The following FAAH variants were observed in gnomAD, a reference collection of about 807,000 sequenced individuals.
FAAH encodes the protein fatty acid amide hydrolase.
FAAH carries 63 observed loss-of-function variants against 69.7 expected under a neutral mutation model. The observed-to-expected ratio is 0.90, with a 90% CI of 0.74 to 1.12. The LOEUF is 1.12. FAAH is among the 50% of genes most tolerant of loss of function. FAAH has a pLI of 0.00. For synonymous variants in FAAH, 305 were observed against 324.2 expected, an observed-to-expected ratio of 0.94 and a Z score of 0.64; for missense variants, 680 against 755.0, an observed-to-expected ratio of 0.90 and a Z score of 1.16.
chr1:46,402,198 G>T lies in FAAH; in HGVS notation c.303G>T (p.Val101=). 6.3e-7 allele frequency: 1 copy of T among 1,592,674 alleles called. No individual in the cohort carries two copies. The highest frequency in any genetic ancestry group is 1.4e-5 in the African/African-American group (1 of 72,104). Residue 101 remains valine (V), a synonymous_variant, in exon 2 of 15, where the codon GTG becomes GTT. Transcript: ENST00000243167. ...CTGAGGCCGTGCTCTTCACCTATGT[G>T]GGAAAGGTAAGGCCAGCCAAGGCCA... ...LAPEAVLFTY[V]GKAWEVNKGT...
At chr1:46,401,486 C>A (rs1207527433) in intron 1 of FAAH, among the ~76,000 whole-genome samples, 1 of 152,044 alleles carries the variant, frequency 6.6e-6, no homozygotes, top group Non-Finnish European at 1.5e-5. Flanking sequence ...ACCCAGCCTC[C>A]CAAGATGGGG....
intron 1 of FAAH, among the ~76,000 whole-genome samples, chr1:46,400,485 A>AT (rs2148445772): frequency 6.6e-6 from 1 of 151,824 alleles, no homozygotes; most frequent in East Asian, 2.0e-4. Context: ...AGAGGTGACC[A>AT]TTTTTCAGAG....
intron 1 of FAAH, among the ~76,000 whole-genome samples, chr1:46,399,030 C>A (rs538993762): frequency 6.6e-6 from 1 of 152,106 alleles, no homozygotes; most frequent in Non-Finnish European, 1.5e-5. Context: ...TTTTCTAGAC[C>A]GAAGAGAAGG....
At chr1:46,406,467 G>A in intron 7 of FAAH, 99 bp downstream of exon 7, 4 of 1,550,538 alleles carry the variant, frequency 2.6e-6, no homozygotes, top group Non-Finnish European at 3.5e-6. Context: ...CCTGAGAACC[G>A]TCCCCCAGGC....
Position 46,413,762 on chromosome 1 carries a change from C to T in FAAH, c.*187C>T. 1.3e-6 allele frequency: 1 copy of T among 780,396 alleles called. No homozygotes were observed. The highest frequency in any genetic ancestry group is 2.8e-5 in the East Asian group (1 of 36,090). 48.3% of individuals were successfully genotyped at this position (780,396 alleles called of 1,614,324 possible). On this transcript the variant is annotated 3_prime_UTR_variant, in exon 15 of 15. Transcript: ENST00000243167. ...GGACCTCCATCCCTGCTCTGGTCCC[C>T]TCTCTTCGTCCTGATCCCTCCACCC... is the stretch of plus-strand genomic sequence containing the variant.
chr1:46,394,876 G>A (rs1399120505), intron 1 of FAAH, among the ~76,000 whole-genome samples: 1 of 152,226 alleles, frequency 6.6e-6, no homozygotes, highest in African/African-American at 2.4e-5. Flanking sequence ...AGGGGTTGAG[G>A]ACTTTGGAAT....
Position 46,405,416 on chromosome 1 carries a change from G to T in FAAH, c.489G>T (p.Pro163=). ...GCTTGAGCCTGAATGAAGGGGTGCC[G>T]GCGGAGTGCGACAGCGTAGTGGTGC... The part of the protein sequence containing the change: ...TLGLSLNEGV[P]AECDSVVVHV... Residue 163 remains proline, a synonymous_variant, in exon 4 of 15, where the codon CCG becomes CCT. Transcript: ENST00000243167. This position sits in a 1 kb window ranked among gnomAD's most constrained non-coding sequence, Gnocchi z 4.1. 6.2e-7 allele frequency: 1 copy of T among 1,613,112 alleles called. No individual in the cohort carries two copies. Among genetic ancestry groups the T allele is most frequent in the East Asian group, 2.2e-5 (1 of 44,884 alleles).
At position 46,411,433 on chromosome 1, in the gene FAAH, T is replaced by G. The variant is rs768892289; in HGVS notation, c.1317-179T>G. Reference sequence around the variant, plus strand: ...GTCACCAAGTGCCAGCCTGTGCCCCTCTGGGGCCTGATTTTCTCATCCAGA... The same window carrying G: ...GTCACCAAGTGCCAGCCTGTGCCCCGCTGGGGCCTGATTTTCTCATCCAGA... On this transcript the variant is annotated intron_variant, in intron 11 of 14. Coordinates refer to ENST00000243167, the MANE Select transcript of FAAH (RefSeq NM_001441.3). This position sits in a 1 kb window ranked among gnomAD's most constrained non-coding sequence, Gnocchi z 4.8. Among the ~76,000 whole-genome samples the G allele has an allele frequency of 2.1e-4, 32 of 152,194 alleles. No homozygotes were observed. Among genetic ancestry groups the G allele is most frequent in the Non-Finnish European group, 4.0e-4 (27 of 68,032 alleles).
In FAAH at chr1:46,405,210, A is replaced by G; in HGVS notation, c.444+62A>G. On this transcript the variant is annotated intron_variant, in intron 3 of 14. Transcript: ENST00000243167. This position sits in a 1 kb window ranked among gnomAD's most constrained non-coding sequence, Gnocchi z 4.1. ...CTCCATCCCTGCCAGCCTGCTCTGC[A>G]TCTTGGGTCATTTTGGGCCCTTAGA... is the stretch of plus-strand genomic sequence containing the variant. 1 of 1,613,092 alleles carries G rather than the reference A, an allele frequency of 6.2e-7. No individual in the cohort carries two copies.
Position 46,404,095 on chromosome 1 carries a change from G to A in FAAH, c.310-919G>A, listed in dbSNP as rs1451297418. 6.6e-6 allele frequency among the ~76,000 whole-genome samples: 1 copy of A among 152,138 alleles called. No homozygotes were observed. The highest frequency in any genetic ancestry group is 1.5e-5 in the Non-Finnish European group (1 of 68,020). ...GGGGGCTGCAGCTGAGGAAGCGAGC[G>A]CATGCTGGGCTGGTGTCACTGAGAG... On this transcript the variant is annotated intron_variant, in intron 2 of 14. Transcript: ENST00000243167. The surrounding 1 kb of genome is among the most constrained non-coding windows in gnomAD (Gnocchi z 4.5).
chr1:46,406,133 G>T, intron 6 of FAAH, 55 bp downstream of exon 6: 1 of 1,613,348 alleles, frequency 6.2e-7, no homozygotes, highest in Non-Finnish European at 8.5e-7. Flanking sequence ...GGCCTGACCC[G>T]CTTCCGCCCG....
Position 46,410,253 on chromosome 1 carries a change from GC to G in FAAH, c.1176-144del, listed in dbSNP as rs1664886662. 1 of 745,482 alleles carries G rather than the reference GC, an allele frequency of 1.3e-6. No individual in the cohort carries two copies. The highest frequency in any genetic ancestry group is 2.4e-6 in the Non-Finnish European group (1 of 408,658). 46.2% of individuals were successfully genotyped at this position (745,482 alleles called of 1,614,324 possible). ...CCCAAAGGATCAGCAGAAACAAACG[GC>G]ATGTTTGGAAGGAGGGAGCTGAGTC... is the stretch of plus-strand genomic sequence containing the variant. On this transcript the variant is annotated intron_variant, in intron 9 of 14. Coordinates refer to ENST00000243167, the MANE Select transcript of FAAH (RefSeq NM_001441.3). This position sits in a 1 kb window ranked among gnomAD's most constrained non-coding sequence, Gnocchi z 4.9.
intron 1 of FAAH, among the ~76,000 whole-genome samples, chr1:46,400,618 C>T (rs1664680770): frequency 6.6e-6 from 1 of 150,462 alleles, no homozygotes; most frequent in African/African-American, 2.5e-5. Flanking sequence ...GTACAGGATA[C>T]ATAAGGAGGA....
At chr1:46,402,298 G>A (rs1289445978) in intron 2 of FAAH, 94 bp downstream of exon 2, 31 of 1,129,082 alleles carry the variant, frequency 2.7e-5, no homozygotes, top group Non-Finnish European at 4.0e-5. Context: ...CACAGGCTGT[G>A]GGGAAAACCT....
Position 46,408,558 on chromosome 1 carries a change from CAG to C in FAAH, c.1054_1055del (p.Ser352ProfsTer2). ...GAGGCGGGCCGTGCTGGAGACCAAA[CAG>C]AGCCTTGAGGCTGCGGGGCACACGG... The part of the protein sequence containing the change: ...AMRRAVLETK[Q>X]SLEAAGHTLV... On this transcript the variant is annotated frameshift_variant, in exon 8 of 15. Coordinates refer to ENST00000243167, the MANE Select transcript of FAAH (RefSeq NM_001441.3). LOFTEE classifies it high-confidence loss of function. 1.9e-6 allele frequency: 3 copies of C among 1,614,222 alleles called. No individual in the cohort carries two copies. The highest frequency in any genetic ancestry group is 2.5e-6 in the Non-Finnish European group (3 of 1,180,040).
chr1:46,395,770 G>A (rs1337684674), intron 1 of FAAH, among the ~76,000 whole-genome samples: 3 of 152,206 alleles, frequency 2.0e-5, no homozygotes, highest in African/African-American at 7.2e-5. Context: ...CTAGGTGCCC[G>A]CTGCACTCTG....
At chr1:46,409,334 C>T (rs910680680) in intron 9 of FAAH, 136 bp downstream of exon 9, 68 of 729,292 alleles carry the variant, frequency 9.3e-5, no homozygotes, top group Non-Finnish European at 7.7e-5. Context: ...GCAGGGACCT[C>T]GCTGTCCCTC....
chr1:46,407,685 T>A (rs1178690199), intron 7 of FAAH, among the ~76,000 whole-genome samples: 1 of 152,092 alleles, frequency 6.6e-6, no homozygotes, highest in Non-Finnish European at 1.5e-5. Flanking sequence ...GTGAGGCAGG[T>A]GCTGGGCCCT....
In FAAH at chr1:46,401,797, G is replaced by A. The variant is rs60007318; in HGVS notation, c.196-294G>A. Among the ~76,000 whole-genome samples the A allele has an allele frequency of 6.6e-3, 1,003 of 152,306 alleles. 12 individuals carry two copies. Among genetic ancestry groups the A allele is most frequent in the Middle Eastern group, 0.041 (12 of 294 alleles). On this transcript the variant is annotated intron_variant, in intron 1 of 14. Coordinates refer to ENST00000243167, the MANE Select transcript of FAAH (RefSeq NM_001441.3). ...ACAGTAGCATGTGCCTGTAGTTCCA[G>A]CTACTCGGGAGGCTGAAGTGGGAGG...
Sources: gnomAD v4.1 joint callset for allele counts (sites outside exome capture counted in the v4.1 genomes callset) on GRCh38, gnomAD v4.1.1 for gene constraint, Gnocchi (gnomAD v3.1) non-coding constraint, MANE v1.5 for transcripts, NCBI Gene and HGNC (gene_info 2026-07-23, HGNC 2026-07-21) for gene names.